The following FTO variants were observed in gnomAD, a reference collection of about 807,000 sequenced individuals.
FTO encodes the protein FTO alpha-ketoglutarate dependent dioxygenase.
A neutral mutation model predicts 63.9 loss-of-function variants in FTO; 47 were observed. The observed-to-expected ratio is 0.74, with a 90% confidence interval of 0.58 to 0.94. The LOEUF (loss-of-function observed/expected upper bound fraction) is 0.94, where lower values mean the gene tolerates loss of function less well. Among genes scored for constraint, FTO ranks in the 40% least tolerant of loss-of-function variants. The probability of loss-of-function intolerance (pLI) is 0.00; values close to 1 mark genes in which losing one functional copy is unlikely to be tolerated. For missense variants in FTO, 562 were observed against 618.1 expected (o/e 0.91, Z 0.96); for synonymous variants, 207 against 224.4 (o/e 0.92, Z 0.69).
At chr16:54,037,038 A>G (rs189577468) in intron 8 of FTO, among the ~76,000 whole-genome samples, 85 of 152,312 alleles carry the variant, frequency 5.6e-4, no homozygotes, top group African/African-American at 2.0e-3. Flanking sequence ...TCTTTGGGCC[A>G]CGTGACCAAA....
intron 1 of FTO, among the ~76,000 whole-genome samples, chr16:53,736,169 A>G (rs62048371): frequency 0.031 from 4,656 of 152,288 alleles, 115 homozygotes; most frequent in Middle Eastern, 0.082. Flanking sequence ...ATATAGGCTG[A>G]ACATCTGGCT....
At chr16:53,756,468 TTTTGCCTGACTC>T (rs1241456188) in intron 1 of FTO, among the ~76,000 whole-genome samples, 1 of 152,232 alleles carries the variant, frequency 6.6e-6, no homozygotes, top group East Asian at 1.9e-4. Context: ...AGTGTTTATA[TTTTGCCTGACTC>T]TTTGGTTTCC....
intron 7 of FTO, among the ~76,000 whole-genome samples, chr16:53,897,829 G>T (rs1030363759): frequency 6.6e-6 from 1 of 152,120 alleles, no homozygotes; most frequent in Non-Finnish European, 1.5e-5. Context: ...GTAGTCCCTA[G>T]TGTTTCACAG....
chr16:53,833,095 A>T (rs1331686681), intron 3 of FTO, among the ~76,000 whole-genome samples: 1 of 152,184 alleles, frequency 6.6e-6, no homozygotes, highest in Non-Finnish European at 1.5e-5. Flanking sequence ...TGCTATTCTC[A>T]TGATAGTGAA....
intron 7 of FTO, among the ~76,000 whole-genome samples, chr16:53,910,379 A>G (rs918176051): frequency 1.6e-4 from 24 of 152,148 alleles, no homozygotes; most frequent in African/African-American, 5.8e-4. Context: ...CAATCGACCC[A>G]TTCTTCAAAA....
At chr16:53,909,956 C>T (rs2081645846) in intron 7 of FTO, among the ~76,000 whole-genome samples, 1 of 152,078 alleles carries the variant, frequency 6.6e-6, no homozygotes, top group African/African-American at 2.4e-5. Flanking sequence ...TAGCTTACTG[C>T]AGCCTCGAAC....
At chr16:54,060,014 C>T (rs570804108) in intron 8 of FTO, among the ~76,000 whole-genome samples, 3 of 152,094 alleles carry the variant, frequency 2.0e-5, no homozygotes, top group Non-Finnish European at 4.4e-5. Flanking sequence ...GTCAACTTAT[C>T]TTTTATTCAA....
At chr16:53,705,128 C>T (rs185988212) in intron 1 of FTO, among the ~76,000 whole-genome samples, 2 of 152,164 alleles carry the variant, frequency 1.3e-5, no homozygotes, top group East Asian at 3.9e-4. Context: ...CCTAACTTAA[C>T]TCTTCTTCCA....
intron 1 of FTO, among the ~76,000 whole-genome samples, chr16:53,768,297 T>C (rs932994845): frequency 9.9e-5 from 15 of 152,260 alleles, no homozygotes; most frequent in Admixed American, 1.3e-4. Context: ...GTCTTTTTGG[T>C]TAGCTGCCAG....
At chr16:53,750,948 C>T (rs1332818214) in intron 1 of FTO, among the ~76,000 whole-genome samples, 19 of 152,220 alleles carry the variant, frequency 1.2e-4, no homozygotes, top group Admixed American at 1.2e-3. Flanking sequence ...TGTTCTTCCT[C>T]TGTGCTTGTG....
At chr16:53,948,809 G>C (rs1408602883) in intron 8 of FTO, among the ~76,000 whole-genome samples, 3 of 152,172 alleles carry the variant, frequency 2.0e-5, no homozygotes, top group Non-Finnish European at 4.4e-5. Context: ...TGACTGCTTT[G>C]AATTAAAAAC....
chr16:53,711,272 A>G (rs897681380), intron 1 of FTO: 6 of 392,962 alleles, frequency 1.5e-5, no homozygotes, highest in Middle Eastern at 1.3e-3. Context: ...CTTATTTCCC[A>G]TGCAGCCAGA....
chr16:54,004,438 A>T (rs1199716267), intron 8 of FTO, among the ~76,000 whole-genome samples: 3 of 151,968 alleles, frequency 2.0e-5, no homozygotes, highest in Non-Finnish European at 2.9e-5. Context: ...GTTTTTTTTT[A>T]ATTTAGCAAG....
At chr16:54,104,860 A>C (rs1223372647) in intron 8 of FTO, among the ~76,000 whole-genome samples, 1 of 152,178 alleles carries the variant, frequency 6.6e-6, no homozygotes, top group Non-Finnish European at 1.5e-5. Flanking sequence ...TTTCGTTTTT[A>C]TTTGCGAGCG....
rs1278355062 is a variant in FTO at position 53,911,279 on chromosome 16, A to G, written c.1239+22328A>G. The G allele has an allele frequency of 4.5e-6, 3 of 666,872 alleles. No homozygotes were observed. The African/African-American group carries it at 5.3e-5, about 12-fold the overall frequency. 41.3% of individuals were successfully genotyped at this position (666,872 alleles called of 1,614,324 possible). On this transcript the variant is annotated intron_variant, in intron 7 of 8. Coordinates refer to ENST00000471389, the MANE Select transcript of FTO (RefSeq NM_001080432.3). Reference sequence around the variant, plus strand: ...TAGTTTCAAGAGTAAAGGAGAACAAAGTAGGGTGACCTAGTCTGAAGGACA... The same window carrying G: ...TAGTTTCAAGAGTAAAGGAGAACAAGGTAGGGTGACCTAGTCTGAAGGACA...
At chr16:53,840,065 T>A (rs113544775) in intron 3 of FTO, among the ~76,000 whole-genome samples, 34,920 of 151,832 alleles carry the variant, frequency 0.23, 4,198 homozygotes, top group Middle Eastern at 0.31. Flanking sequence ...AGCCTCCCAA[T>A]GTGCTGGGAT....
chr16:53,918,028 T>C lies in FTO; in HGVS notation c.1240-15957T>C, dbSNP rs2081922616. On this transcript the variant is annotated intron_variant, in intron 7 of 8. Coordinates refer to ENST00000471389, the MANE Select transcript of FTO (RefSeq NM_001080432.3). ...CTCAGGAATCTTAAGAAAAATAAGA[T>C]TATTCTTATCTTAATAATAATAGAA... 2.0e-5 allele frequency among the ~76,000 whole-genome samples: 3 copies of C among 152,212 alleles called. No individual in the cohort carries two copies. The South Asian group carries it at 6.2e-4, about 31-fold the overall frequency.
intron 1 of FTO, among the ~76,000 whole-genome samples, chr16:53,728,498 T>A (rs2076201167): frequency 6.6e-6 from 1 of 152,188 alleles, no homozygotes; most frequent in Non-Finnish European, 1.5e-5. Context: ...CTGGTCTAAG[T>A]TCTAGGATAC....
chr16:53,896,498 A>G (rs529414419), intron 7 of FTO, among the ~76,000 whole-genome samples: 3 of 152,320 alleles, frequency 2.0e-5, no homozygotes, highest in Non-Finnish European at 4.4e-5. Context: ...CAAGATTTCC[A>G]AAGGATGTCG....
Sources: gnomAD v4.1 joint callset for allele counts (sites outside exome capture counted in the v4.1 genomes callset) on GRCh38, gnomAD v4.1.1 for gene constraint, MANE v1.5 for transcripts, NCBI Gene and HGNC (gene_info 2026-07-23, HGNC 2026-07-21) for gene names.